Variants in ADAMTS16 observed in about 807,000 individuals in gnomAD.
ADAMTS16 encodes A disintegrin and metalloproteinase with thrombospondin motifs 16.
ADAMTS16 carries 94 observed loss-of-function variants against 145.8 expected under a neutral mutation model. The ratio of observed to expected loss-of-function variants is 0.64; its 90% CI spans 0.55 to 0.77. The LOEUF (loss-of-function observed/expected upper bound fraction) is 0.77. Ranked by LOEUF, ADAMTS16 falls within the 30% of genes least tolerant of loss-of-function variation. The pLI, the probability that ADAMTS16 is intolerant of heterozygous loss-of-function variation, is 0.00. For missense variants in ADAMTS16, 1,585 were observed against 1,591.5 expected (o/e 1.00, Z 0.07); for synonymous variants, 659 against 604.3 (o/e 1.09, Z -1.33).
chr5:5,279,596 G>T (rs967533000), intron 18 of ADAMTS16, among the ~76,000 whole-genome samples: 1 of 151,872 alleles, frequency 6.6e-6, no homozygotes, highest in Non-Finnish European at 1.5e-5. Context: ...CTTGCCTTCT[G>T]AACTCTAACA....
intron 17 of ADAMTS16, among the ~76,000 whole-genome samples, chr5:5,250,736 T>TGC (rs1553994628): frequency 3.5e-5 from 5 of 141,924 alleles, no homozygotes; most frequent in East Asian, 3.9e-4. Flanking sequence ...TGTGTGTGTG[T>TGC]GCGCGCACTC....
intron 18 of ADAMTS16, among the ~76,000 whole-genome samples, chr5:5,293,447 GA>G (rs1218107405): frequency 2.0e-4 from 30 of 152,270 alleles, no homozygotes; most frequent in African/African-American, 7.2e-4. Flanking sequence ...TAAAAGATGT[GA>G]TTTCATTCTT....
At chr5:5,201,052 C>T (rs1735939563) in intron 9 of ADAMTS16, among the ~76,000 whole-genome samples, 1 of 152,232 alleles carries the variant, frequency 6.6e-6, no homozygotes, top group African/African-American at 2.4e-5. Context: ...TCTGACATTA[C>T]AGTCCAGTGT....
rs148939335 is a variant in ADAMTS16, at chr5:5,249,658, G to C, written c.2662+7467G>C. 3.3e-3 allele frequency among the ~76,000 whole-genome samples: 505 copies of C among 152,202 alleles called. 2 individuals are homozygous for C. The highest frequency in any genetic ancestry group is 6.3e-3 in the Non-Finnish European group (429 of 68,002). On this transcript the variant is annotated intron_variant, in intron 17 of 22. Coordinates refer to ENST00000274181, the MANE Select transcript of ADAMTS16 (RefSeq NM_139056.4). ...CTGCCATCCAGGAAAGGGTGTCTGCGACCCCTGGAGCCCCAGAGGGCCTGT... is the reference window on the plus strand; with the variant it reads ...CTGCCATCCAGGAAAGGGTGTCTGCCACCCCTGGAGCCCCAGAGGGCCTGT...
chr5:5,308,949 C>CAA (rs56068510), intron 21 of ADAMTS16, among the ~76,000 whole-genome samples: 7 of 87,130 alleles, frequency 8.0e-5, no homozygotes, highest in African/African-American at 1.8e-4. Flanking sequence ...GACTCCGTCT[C>CAA]AAAAAAAAAA....
intron 21 of ADAMTS16, 111 bp from the exon 22 acceptor site, chr5:5,318,023 C>A: frequency 1.7e-6 from 2 of 1,200,752 alleles, no homozygotes; most frequent in South Asian, 6.7e-5. Flanking sequence ...CTAAGTCGCT[C>A]TTCCCTCACT....
In ADAMTS16 at chr5:5,232,457, A is replaced by T. The variant is rs756696803; in HGVS notation, c.1791A>T (p.Pro597=). ...GHWSDWSSWS[P]CSRTCGGGVS... is the part of the protein sequence containing the mutation. ...GGTCGGACTGGTCTTCTTGGTCCCC[A>T]TGCTCCAGGACCTGCGGAGGGGGAG... The change falls in exon 12 of 23, where the codon CCA becomes CCT. Residue 597 remains proline, a synonymous_variant. Coordinates refer to ENST00000274181, the MANE Select transcript of ADAMTS16 (RefSeq NM_139056.4). The T allele has an allele frequency of 1.2e-6, 2 of 1,614,032 alleles. No individual in the cohort carries two copies. The highest frequency in any genetic ancestry group is 2.7e-5 in the African/African-American group (2 of 74,986).
chr5:5,209,129 G>A lies in ADAMTS16; in HGVS notation c.1488G>A (p.Lys496=), dbSNP rs1250963902. Residue 496 remains lysine, a synonymous_variant, in exon 10 of 23, where the codon AAG becomes AAA. Transcript: ENST00000274181. The part of the protein sequence containing the change: ...AQAICLADQP[K]PVKEYKYPEK... ...CTATCTGCCTTGCTGATCAGCCAAA[G>A]CCTGTGAAGGAATACAAGTATCCTG... is the stretch of plus-strand genomic sequence containing the variant. 6.2e-7 allele frequency: 1 copy of A among 1,613,832 alleles called. No individual in the cohort carries two copies. The highest frequency in any genetic ancestry group is 8.5e-7 in the Non-Finnish European group (1 of 1,179,890).
At chr5:5,274,364 C>T (rs1738600595) in intron 18 of ADAMTS16, among the ~76,000 whole-genome samples, 1 of 152,186 alleles carries the variant, frequency 6.6e-6, no homozygotes, top group South Asian at 2.1e-4. Context: ...GCCTGTTCAT[C>T]CTCCCTCCCG....
intron 17 of ADAMTS16, among the ~76,000 whole-genome samples, chr5:5,252,151 C>T (rs902632239): frequency 2.6e-5 from 4 of 152,122 alleles, no homozygotes; most frequent in African/African-American, 9.7e-5. Context: ...GCCTGGCCGT[C>T]GGTGCTTTTA....
chr5:5,234,869 CA>C (rs1553993127), intron 12 of ADAMTS16, 144 bp from the exon 13 acceptor site: 8,682 of 55,980 alleles, frequency 0.16, no homozygotes, highest in South Asian at 0.18. Flanking sequence ...GACTCCATCT[CA>C]AAAAAAAAAA....
chr5:5,180,662 A>G (rs897732953), intron 3 of ADAMTS16, among the ~76,000 whole-genome samples: 5 of 152,266 alleles, frequency 3.3e-5, no homozygotes, highest in Admixed American at 6.5e-5. Context: ...AGCATGCTAT[A>G]TACTGTATTA....
intron 3 of ADAMTS16, among the ~76,000 whole-genome samples, chr5:5,169,331 C>T (rs1318540313): frequency 6.6e-6 from 1 of 152,116 alleles, no homozygotes; most frequent in Non-Finnish European, 1.5e-5. Flanking sequence ...ACAGAAGGCC[C>T]CTCCAGTTTT....
At chr5:5,296,087 T>C (rs1346771414) in intron 18 of ADAMTS16, among the ~76,000 whole-genome samples, 1 of 152,202 alleles carries the variant, frequency 6.6e-6, no homozygotes, top group Admixed American at 6.5e-5. Context: ...ATTTCAATGT[T>C]GGAAGAGTCA....
At chr5:5,274,931 C>A (rs73039119) in intron 18 of ADAMTS16, among the ~76,000 whole-genome samples, 10 of 152,060 alleles carry the variant, frequency 6.6e-5, no homozygotes, top group Non-Finnish European at 1.2e-4. Flanking sequence ...CCACACTCAG[C>A]GTAACTGTCC....
intron 18 of ADAMTS16, among the ~76,000 whole-genome samples, chr5:5,271,196 C>A (rs1404419759): frequency 6.6e-6 from 1 of 152,268 alleles, no homozygotes; most frequent in African/African-American, 2.4e-5. Context: ...CCTGCAATTG[C>A]ATTGCCAGAT....
At chr5:5,259,642 G>T (rs1388927197) in intron 17 of ADAMTS16, among the ~76,000 whole-genome samples, 1 of 152,240 alleles carries the variant, frequency 6.6e-6, no homozygotes, top group African/African-American at 2.4e-5. Flanking sequence ...AAGGGAAAAG[G>T]AGCAGGCAGG....
chr5:5,220,761 G>A (rs1381370444), intron 10 of ADAMTS16, among the ~76,000 whole-genome samples: 1 of 152,046 alleles, frequency 6.6e-6, no homozygotes, highest in African/African-American at 2.4e-5. Flanking sequence ...GCACAGTGAG[G>A]ACTCAGGGGT....
At chr5:5,271,930 G>A (rs1323412825) in intron 18 of ADAMTS16, among the ~76,000 whole-genome samples, 1 of 152,108 alleles carries the variant, frequency 6.6e-6, no homozygotes, top group Non-Finnish European at 1.5e-5. Context: ...ACATGGGTCC[G>A]TAGCTCTGCC....
Sources: allele counts gnomAD v4.1 joint callset (sites outside exome capture counted in the v4.1 genomes callset), GRCh38; gene constraint gnomAD v4.1.1; transcripts MANE v1.5; gene names NCBI Gene and HGNC (gene_info 2026-07-23, HGNC 2026-07-21).